REV3L: variants seen among roughly 807,000 people sequenced by gnomAD.
REV3L encodes REV3 like, DNA directed polymerase zeta catalytic subunit, also known as DNA polymerase zeta catalytic subunit.
Under a neutral mutation model 299.4 loss-of-function variants are expected in REV3L, and 69 were observed. The ratio of observed to expected loss-of-function variants is 0.23; its 90% confidence interval spans 0.19 to 0.28. REV3L has a LOEUF of 0.28. Among genes scored for constraint, REV3L ranks in the 10% least tolerant of loss-of-function variants. The pLI is 1.00. For missense variants in REV3L, 3,128 were observed against 3,693.8 expected (o/e 0.85, Z 3.97); for synonymous variants, 1,238 against 1,271.4 (o/e 0.97, Z 0.56).
chr6:111,410,831 C>T (rs1408338922), intron 3 of REV3L, among the ~76,000 whole-genome samples: 2 of 152,068 alleles, frequency 1.3e-5, no homozygotes, highest in Non-Finnish European at 2.9e-5. Flanking sequence ...GAGAGGACCT[C>T]CTGAAAAAAT....
chr6:111,371,237 C>G (rs761967611), intron 13 of REV3L, among the ~76,000 whole-genome samples: 11 of 152,136 alleles, frequency 7.2e-5, no homozygotes, highest in Non-Finnish European at 4.4e-5. Flanking sequence ...GCCACATTAC[C>G]CAATTTAGCT....
chr6:111,361,762 CAG>C (rs1232054622), intron 16 of REV3L, among the ~76,000 whole-genome samples: 1 of 151,992 alleles, frequency 6.6e-6, no homozygotes, highest in African/African-American at 2.4e-5. Flanking sequence ...GTAATGGAAA[CAG>C]AGGGAGAAAA....
chr6:111,333,540 T>C (rs758907564), intron 22 of REV3L, among the ~76,000 whole-genome samples, 173 bp from the exon 23 acceptor site: 6 of 152,112 alleles, frequency 3.9e-5, no homozygotes, highest in African/African-American at 9.7e-5. Context: ...GATGGCACGA[T>C]TGCGGCTCAC....
chr6:111,384,304 A>C (rs773562022), intron 9 of REV3L, among the ~76,000 whole-genome samples: 10 of 152,166 alleles, frequency 6.6e-5, no homozygotes, highest in Non-Finnish European at 1.5e-4. Flanking sequence ...GGAAACAATC[A>C]ACAAAGTGAA....
At chr6:111,301,140 C>T (rs1771471874) in intron 31 of REV3L, among the ~76,000 whole-genome samples, 1 of 152,084 alleles carries the variant, frequency 6.6e-6, no homozygotes, top group Admixed American at 6.5e-5. Context: ...TGAAATATGC[C>T]CTGGCCTCCT....
intron 27 of REV3L, among the ~76,000 whole-genome samples, chr6:111,314,734 T>C (rs184766545): frequency 1.3e-5 from 2 of 152,306 alleles, no homozygotes; most frequent in African/African-American, 4.8e-5. Flanking sequence ...ACCATTAAGT[T>C]TGGGGTGATC....
intron 16 of REV3L, among the ~76,000 whole-genome samples, chr6:111,363,501 G>C (rs1014276902): frequency 1.3e-5 from 2 of 151,722 alleles, no homozygotes; most frequent in African/African-American, 4.8e-5. Flanking sequence ...GTAGAGACAG[G>C]GTCTTCCTAT....
At chr6:111,306,954 T>C (rs1188308680) in intron 31 of REV3L, among the ~76,000 whole-genome samples, 2 of 152,188 alleles carry the variant, frequency 1.3e-5, no homozygotes, top group Non-Finnish European at 2.9e-5. Context: ...ACTGGTTGAG[T>C]ATCATTAATC....
intron 2 of REV3L, among the ~76,000 whole-genome samples, chr6:111,415,476 A>G (rs1784663264): frequency 6.6e-6 from 1 of 152,122 alleles, no homozygotes; most frequent in Non-Finnish European, 1.5e-5. Context: ...CCATTCACTC[A>G]TTCTCTGTGT....
At chr6:111,440,868 G>A (rs1217435538) in intron 1 of REV3L, among the ~76,000 whole-genome samples, 2 of 152,166 alleles carry the variant, frequency 1.3e-5, no homozygotes, top group African/African-American at 4.8e-5. Context: ...ACTGCACACA[G>A]AATAATTCGA....
Position 111,374,416 on chromosome 6 carries a change from A to T in REV3L, c.3939T>A (p.Ser1313Arg), listed in dbSNP as rs1780094445. The T allele has an allele frequency of 6.2e-7, 1 of 1,614,044 alleles. No homozygotes were observed. Reference sequence around the variant, plus strand: ...CTGATGGATGCAAATCATCTCGTGAACTGGGGAATGTCTGCAAATCTACAG... The same window carrying T: ...CTGATGGATGCAAATCATCTCGTGATCTGGGGAATGTCTGCAAATCTACAG... The part of the protein sequence containing the change: ...KKSVDLQTFP[S>R]SRDDLHPSVV... The change falls in exon 13 of 32, where the codon AGT (serine) becomes AGA (arginine). Residue 1313 changes from serine (S) to arginine (R), a missense_variant. By Grantham distance (110) the Ser-to-Arg change is moderately radical (BLOSUM62 -1). This residue lies in a region of REV3L where 2,409 missense variants were observed against 2,611.8 expected (regional missense o/e 0.92). Transcript: ENST00000368802.
chr6:111,425,650 CAT>C (rs144467470), intron 1 of REV3L, among the ~76,000 whole-genome samples: 109 of 147,016 alleles, frequency 7.4e-4, no homozygotes, highest in Admixed American at 9.4e-4. Context: ...AATATGGCAC[CAT>C]ATATATATAT....
intron 27 of REV3L, 24 bp from the exon 28 acceptor site, chr6:111,313,513 C>A: frequency 6.3e-7 from 1 of 1,581,172 alleles, no homozygotes; most frequent in Non-Finnish European, 8.6e-7. Flanking sequence ...AATAAAATGC[C>A]TCTTAAAAAC....
chr6:111,430,046 A>AGG (rs938786240), intron 1 of REV3L, among the ~76,000 whole-genome samples: 4 of 152,186 alleles, frequency 2.6e-5, no homozygotes, highest in African/African-American at 9.7e-5. Context: ...AGCAGGTTCC[A>AGG]GGGGAAGAAA....
chr6:111,430,844 G>T lies in REV3L; in HGVS notation c.140-14372C>A. On this transcript the variant is annotated intron_variant, in intron 1 of 31. Transcript: ENST00000368802. The stretch of plus-strand genomic sequence containing the variant: ...GCTTGTGAACAGTCAGTGCAAATTG[G>T]AAAGAAGAAAACCAGACGGAACAAC... The T allele has an allele frequency of 1.9e-6, 3 of 1,607,614 alleles. No individual in the cohort carries two copies. In the South Asian group the frequency reaches 3.3e-5, roughly 18 times the overall value.
chr6:111,371,462 C>T (rs1779785959), intron 13 of REV3L, among the ~76,000 whole-genome samples: 1 of 152,216 alleles, frequency 6.6e-6, no homozygotes, highest in Admixed American at 6.5e-5. Context: ...GTGAACACAG[C>T]TCACTGCAGC....
chr6:111,482,483 C>T (rs1011067450), intron 1 of REV3L, among the ~76,000 whole-genome samples: 14 of 151,636 alleles, frequency 9.2e-5, no homozygotes, highest in African/African-American at 3.1e-4. Flanking sequence ...CTCCCGCTCC[C>T]GGCCGCCACA....
chr6:111,303,820 A>G (rs1771947390), intron 31 of REV3L, among the ~76,000 whole-genome samples: 1 of 146,212 alleles, frequency 6.8e-6, no homozygotes, highest in African/African-American at 2.6e-5. Context: ...CCTGGGTTCA[A>G]GTGATTTTCC....
rs371237380 is a variant in REV3L at position 111,300,039 on chromosome 6, G to A, written c.9370C>T (p.Arg3124Trp). ...ATTTAAAACTGGTCTAATAACTGCC[G>A]GAGATATGGTGCCTTGGACAATTCT... ...NRELSKAPYL[R>W]QLLDQF The change falls in exon 32 of 32, where the codon CGG becomes TGG. Residue 3124 changes from arginine to tryptophan, a missense_variant. Transcript: ENST00000368802. 23 of 1,612,930 alleles carry A rather than the reference G, an allele frequency of 1.4e-5. No homozygotes were observed. The highest frequency in any genetic ancestry group is 2.2e-5 in the South Asian group (2 of 90,882).
Sources: gnomAD v4.1 joint callset for allele counts (sites outside exome capture counted in the v4.1 genomes callset) on GRCh38, gnomAD v4.1.1 for gene constraint, gnomAD v4.1.1 regional missense constraint, MANE v1.5 for transcripts, NCBI Gene and HGNC (gene_info 2026-07-23, HGNC 2026-07-21) for gene names.